The following COQ5 variants were observed in gnomAD, a reference collection of about 807,000 sequenced individuals.
COQ5 encodes the protein 2-methoxy-6-polyprenyl-1,4-benzoquinol methylase, mitochondrial.
In COQ5, 27 loss-of-function variants were observed where a neutral mutation model predicts 40.5. The ratio of observed to expected loss-of-function variants is 0.67; its 90% CI spans 0.49 to 0.92. COQ5 has a LOEUF of 0.92. COQ5 is among the 40% of genes least tolerant of loss of function. COQ5 has a pLI of 0.00. For missense variants in COQ5, 409 were observed against 406.4 expected (o/e 1.01, Z -0.06); for synonymous variants, 141 against 150.0 (o/e 0.94, Z 0.44).
At chr12:120,523,064 C>T (rs559208425) in intron 1 of COQ5, 178 of 405,592 alleles carry the variant, frequency 4.4e-4, no homozygotes, top group South Asian at 1.4e-3. Context: ...ATCGGCCAGG[C>T]GCGGTGGCTC....
intron 3 of COQ5, among the ~76,000 whole-genome samples, chr12:120,511,243 C>T (rs555079495): frequency 5.9e-5 from 8 of 135,780 alleles, no homozygotes; most frequent in Middle Eastern, 4.5e-3. Context: ...GGTGACAGAG[C>T]GAGACTCTGT....
At chr12:120,505,826 G>T (rs1868857077) in intron 4 of COQ5, among the ~76,000 whole-genome samples, 1 of 151,242 alleles carries the variant, frequency 6.6e-6, no homozygotes, top group Admixed American at 6.6e-5. Context: ...AAAGTGCTGG[G>T]ATTACAGGTG....
At chr12:120,526,188 C>T (rs1869933634) in intron 1 of COQ5, among the ~76,000 whole-genome samples, 1 of 152,218 alleles carries the variant, frequency 6.6e-6, no homozygotes. Context: ...TGACTGGTCA[C>T]TGCATCAGTT....
rs753139684 is a variant in COQ5, at chr12:120,504,952, G to C, written c.713C>G (p.Pro238Arg). The C allele has an allele frequency of 3.7e-6, 6 of 1,613,996 alleles. No homozygotes were observed. Among genetic ancestry groups the C allele is most frequent in the Non-Finnish European group, 5.1e-6 (6 of 1,180,020 alleles). ...TTCCAGACAGAGAAACCGTCCTCCT[G>C]GTTTCAGCACCCGATGAGCTTCCTG... Reference protein sequence around the residue: ...ALQEAHRVLKPGGRFLCLEFS... With the variant: ...ALQEAHRVLKRGGRFLCLEFS... The change falls in exon 5 of 7, where the codon CCA becomes CGA. Residue 238 changes from proline (P) to arginine (R), a missense_variant. By Grantham distance (103) the Pro-to-Arg change is moderately radical. Transcript: ENST00000288532.
intron 3 of COQ5, among the ~76,000 whole-genome samples, chr12:120,511,256 C>CA (rs33968461): frequency 0.011 from 999 of 92,954 alleles, 20 homozygotes; most frequent in African/African-American, 0.038. Context: ...GACTCTGTCT[C>CA]AAAAAAAAAA....
intron 1 of COQ5, among the ~76,000 whole-genome samples, chr12:120,524,323 C>G (rs1001687252): frequency 6.6e-6 from 1 of 151,368 alleles, no homozygotes; most frequent in Non-Finnish European, 1.5e-5. Flanking sequence ...TGCAGTGGCG[C>G]GATCTCGGCT....
chr12:120,509,934 T>C lies in COQ5; in HGVS notation c.681+83A>G, dbSNP rs556087278. ...GACCCCATCTCAAAAAACAAAACTC[T>C]CCTTCTTTCCTCACTCACTGTAGCT... On this transcript the variant is annotated intron_variant, in intron 4 of 6. Transcript: ENST00000288532. 1,647 of 1,138,120 alleles carry C rather than the reference T, an allele frequency of 1.4e-3. 4 individuals are homozygous for C. The highest frequency in any genetic ancestry group is 1.8e-3 in the Non-Finnish European group (1,374 of 752,082). The allele number at this position is 1,138,120 out of a possible 1,614,324, so 70.5% of individuals were successfully genotyped here.
chr12:120,528,938 A>C lies in COQ5; in HGVS notation c.202+2T>G, dbSNP rs770800882. ...TCCCATCCGCCCTCTCGCCCCTTTC[A>C]CCTTTGCCCCCCTTCTCCTCTTCCG... On this transcript the variant is annotated splice_donor_variant, in intron 1 of 6. Coordinates refer to ENST00000288532, the MANE Select transcript of COQ5 (RefSeq NM_032314.4). LOFTEE classifies it high-confidence loss of function. The C allele has an allele frequency of 1.2e-6, 2 of 1,613,444 alleles. No individual in the cohort carries two copies. The highest frequency in any genetic ancestry group is 2.7e-5 in the African/African-American group (2 of 74,762).
chr12:120,509,970 G>C (rs1162339155), intron 4 of COQ5, 47 bp downstream of exon 4: 1 of 1,411,416 alleles, frequency 7.1e-7, no homozygotes, highest in Admixed American at 1.7e-5. Flanking sequence ...CTACAACAGA[G>C]GTAATTTCCT....
intron 4 of COQ5, among the ~76,000 whole-genome samples, chr12:120,505,808 G>C (rs575187502): frequency 6.6e-6 from 1 of 151,474 alleles, no homozygotes; most frequent in Non-Finnish European, 1.5e-5. Context: ...TGCCAGCCTC[G>C]GCCTCCCAAA....
intron 1 of COQ5, 127 bp downstream of exon 1, chr12:120,528,813 A>G (rs1870085461): frequency 5.2e-6 from 5 of 962,178 alleles, no homozygotes; most frequent in Non-Finnish European, 8.2e-6. Flanking sequence ...TCCAAAAAAA[A>G]AAAAAATCAT....
chr12:120,515,618 AAC>A (rs1281170999), intron 3 of COQ5, among the ~76,000 whole-genome samples: 3 of 152,184 alleles, frequency 2.0e-5, no homozygotes, highest in Non-Finnish European at 2.9e-5. Context: ...TGGCAGGGGA[AAC>A]ACAGAGTAGA....
At chr12:120,519,355 T>G (rs1442067060) in intron 2 of COQ5, among the ~76,000 whole-genome samples, 1 of 151,844 alleles carries the variant, frequency 6.6e-6, no homozygotes, top group Non-Finnish European at 1.5e-5. Context: ...GGTCAGGAAT[T>G]TGAGGCCAGC....
chr12:120,523,997 G>C (rs1325259607), intron 1 of COQ5: 1 of 333,270 alleles, frequency 3.0e-6, no homozygotes. Context: ...GCGACAGAGA[G>C]AGACTCTGTT....
chr12:120,522,951 T>G (rs2137091837), intron 1 of COQ5: 1 of 617,030 alleles, frequency 1.6e-6, no homozygotes, highest in East Asian at 2.6e-5. Context: ...GGCCTGCATC[T>G]TTTTTAGGCC....
At chr12:120,507,641 A>T in intron 4 of COQ5, among the ~76,000 whole-genome samples, 1 of 147,026 alleles carries the variant, frequency 6.8e-6, no homozygotes, top group South Asian at 2.3e-4. Flanking sequence ...TAATCCCAGC[A>T]CTTTGGGAGG....
rs1376675454 is a variant in COQ5, at chr12:120,511,982, C to T, written c.575-1859G>A. Among the ~76,000 whole-genome samples, 7 of 152,044 alleles carry T rather than the reference C, an allele frequency of 4.6e-5. No homozygotes were observed. In the East Asian group the frequency reaches 5.8e-4, roughly 13 times the overall value. ...ATCCCAGCACTTTGGGAGGCCGAGG[C>T]GGGCAGATCATGAGGTCAGGAGTTC... On this transcript the variant is annotated intron_variant, in intron 3 of 6. Transcript: ENST00000288532.
chr12:120,516,893 C>A, intron 2 of COQ5, 105 bp from the exon 3 acceptor site: 1 of 954,648 alleles, frequency 1.0e-6, no homozygotes, highest in African/African-American at 1.6e-5. Context: ...ACAGGAGTAC[C>A]TGTGTTAGCT....
chr12:120,516,136 A>C (rs1342430252), intron 3 of COQ5, among the ~76,000 whole-genome samples: 1 of 152,138 alleles, frequency 6.6e-6, no homozygotes, highest in Non-Finnish European at 1.5e-5. Flanking sequence ...CACAGCAATC[A>C]AACTATCCTA....
Sources: gnomAD v4.1 joint callset for allele counts (sites outside exome capture counted in the v4.1 genomes callset) on GRCh38, gnomAD v4.1.1 for gene constraint, MANE v1.5 for transcripts, NCBI Gene and HGNC (gene_info 2026-07-23, HGNC 2026-07-21) for gene names.